BTNL2: variants seen among roughly 807,000 people sequenced by gnomAD.
BTNL2 encodes butyrophilin like 2.
BTNL2 carries 46 observed loss-of-function variants against 46.8 expected under a neutral mutation model. That is an observed-to-expected ratio of 0.98 (90% CI 0.78 to 1.26). BTNL2 has a LOEUF of 1.26. Ranked by LOEUF, BTNL2 falls within the 50% of genes most tolerant of loss-of-function variation. BTNL2 has a pLI of 0.00. For missense variants in BTNL2, 461 were observed against 592.6 expected, an observed-to-expected ratio of 0.78 and a Z score of 2.31; for synonymous variants, 226 against 229.1, an observed-to-expected ratio of 0.99 and a Z score of 0.12.
At chr6:32,402,912 G>A (rs1438607727) in intron 3 of BTNL2, 23 bp downstream of exon 3, 1 of 1,607,954 alleles carries the variant, frequency 6.2e-7, no homozygotes, top group Non-Finnish European at 8.5e-7. Flanking sequence ...TGAGCATGTG[G>A]GTCCTAGAGG....
chr6:32,394,197 T>G lies in BTNL2; in HGVS notation c.1361-140A>C. ...AGGAAGCAGTTGGCCTGCTCCTCCCTGCTCTGGAGATGCAGAGGAGAGAAT... is the reference window on the plus strand; with the variant it reads ...AGGAAGCAGTTGGCCTGCTCCTCCCGGCTCTGGAGATGCAGAGGAGAGAAT... On this transcript the variant is annotated intron_variant, in intron 6 of 7. Transcript: ENST00000454136. The surrounding 1 kb of genome is among the most constrained non-coding windows in gnomAD (Gnocchi z 4.6). 1.7e-6 allele frequency: 2 copies of G among 1,208,196 alleles called. No individual in the cohort carries two copies. Among genetic ancestry groups the G allele is most frequent in the Admixed American group, 2.7e-5 (1 of 37,656 alleles). The allele number at this position is 1,208,196 out of a possible 1,614,324, so 74.8% of individuals were successfully genotyped here.
At position 32,394,961 on chromosome 6, in the gene BTNL2, G is replaced by C; in HGVS notation, c.1143C>G (p.Cys381Trp). The change falls in exon 6 of 8, where the codon TGC becomes TGG. Residue 381 changes from cysteine to tryptophan, a missense_variant. Cys to Trp is a radical substitution (Grantham distance 215). Coordinates refer to ENST00000454136, the MANE Select transcript of BTNL2 (RefSeq NM_001304561.2). The surrounding 1 kb of genome is among the most constrained non-coding windows in gnomAD (Gnocchi z 4.6). ...GCTGTGGGAACCACCCATCTGAAGA[G>C]CACATCGGCTGCATTTCTCCATCTT... ...GQEDGEMQPM[C>W]SSDGWFPQPH... 1 of 1,613,800 alleles carries C rather than the reference G, an allele frequency of 6.2e-7. No individual in the cohort carries two copies. Among genetic ancestry groups the C allele is most frequent in the Non-Finnish European group, 8.5e-7 (1 of 1,179,728 alleles).
chr6:32,396,269 TCCCAC>T lies in BTNL2; in HGVS notation c.843_847del (p.Trp282ProfsTer34). The T allele has an allele frequency of 2.5e-6, 4 of 1,613,012 alleles. No homozygotes were observed. Among genetic ancestry groups the T allele is most frequent in the Non-Finnish European group, 3.4e-6 (4 of 1,180,002 alleles). ...CACAGCAGGGTAACGGTGGGATCGG[TCCCAC>T]CTCACCTCCATGCTCTGTGCATTCG... On this transcript the variant is annotated frameshift_variant, in exon 5 of 8. Transcript: ENST00000454136. LOFTEE classifies it high-confidence loss of function. The surrounding 1 kb of genome is among the most constrained non-coding windows in gnomAD (Gnocchi z 4.4).
In BTNL2 at chr6:32,393,708, G is replaced by A. The variant is rs17202393; in HGVS notation, c.*6+255C>T. 32,727 of 360,278 alleles carry A rather than the reference G, an allele frequency of 0.091. 2,317 individuals are homozygous for A. The highest frequency in any genetic ancestry group is 0.12 in the African/African-American group (5,713 of 47,276). 22.3% of individuals were successfully genotyped at this position (360,278 alleles called of 1,614,324 possible). On this transcript the variant is annotated intron_variant, in intron 7 of 7. Transcript: ENST00000454136. The surrounding 1 kb of genome is among the most constrained non-coding windows in gnomAD (Gnocchi z 4.8). Reference sequence around the variant, plus strand: ...TCTTCTTCCCTAACCAGATCACTGGGGAATGGGCAGCAGGAAATCAAATCA... The same window carrying A: ...TCTTCTTCCCTAACCAGATCACTGGAGAATGGGCAGCAGGAAATCAAATCA...
At chr6:32,398,220 A>G (rs150603661) in intron 4 of BTNL2, among the ~76,000 whole-genome samples, 1 of 152,200 alleles carries the variant, frequency 6.6e-6, no homozygotes, top group Non-Finnish European at 1.5e-5. Context: ...GGTTTTGCAT[A>G]AGGTGTGATC....
Position 32,396,111 on chromosome 6 carries a change from C to T in BTNL2, c.1006G>A (p.Asp336Asn), listed in dbSNP as rs41441651. Residue 336 changes from aspartate to asparagine, a missense_variant, in exon 5 of 8, where the codon GAC (aspartate) becomes AAC (asparagine). Physicochemically the swap from Asp to Asn is conservative, Grantham distance 23. Transcript: ENST00000454136. This position sits in a 1 kb window ranked among gnomAD's most constrained non-coding sequence, Gnocchi z 4.4. ...LQILSARPSD[D>N]GQYRCLFEKD... ...TCAAAAAGGCAGCGGTACTGCCCGT[C>T]GTCCGAAGGTCTGGCACTGAGTATC... The T allele has an allele frequency of 0.015, 24,430 of 1,613,088 alleles. 1,128 individuals are homozygous for T. The East Asian group carries it at 0.16, about 10-fold the overall frequency.
intron 4 of BTNL2, among the ~76,000 whole-genome samples, chr6:32,400,932 G>C: frequency 8.1e-6 from 1 of 123,986 alleles, no homozygotes; most frequent in Non-Finnish European, 1.7e-5. Context: ...AAAAATGCCC[G>C]GCGTGGTGGC....
chr6:32,406,353 G>C (rs1337578386), intron 1 of BTNL2: 1 of 152,420 alleles, frequency 6.6e-6, no homozygotes, highest in African/African-American at 2.4e-5. Context: ...CAGCTCTGCA[G>C]CGCCAAGGCA....
Position 32,404,921 on chromosome 6 carries a change from C to G in BTNL2, c.427+18G>C. 6.2e-7 allele frequency: 1 copy of G among 1,606,556 alleles called. No individual in the cohort carries two copies. Among genetic ancestry groups the G allele is most frequent in the Non-Finnish European group, 8.5e-7 (1 of 1,174,310 alleles). The stretch of plus-strand genomic sequence containing the variant: ...ATCTCTGCCTCTTGAGACCCTGTGT[C>G]TTTCCCCAGATATTCACCTGCTACT... On this transcript the variant is annotated intron_variant, in intron 2 of 7. Transcript: ENST00000454136.
At chr6:32,403,949 C>T (rs1776953427) in intron 2 of BTNL2, among the ~76,000 whole-genome samples, 1 of 151,970 alleles carries the variant, frequency 6.6e-6, no homozygotes, top group Non-Finnish European at 1.5e-5. Context: ...AAGAGAGATC[C>T]ACTCCCTTCC....
At chr6:32,397,644 A>G (rs974519430) in intron 4 of BTNL2, among the ~76,000 whole-genome samples, 1 of 152,266 alleles carries the variant, frequency 6.6e-6, no homozygotes, top group African/African-American at 2.4e-5. Flanking sequence ...TTTGCTATAC[A>G]ACTACCAAAA....
chr6:32,403,073 G>A lies in BTNL2; in HGVS notation c.571C>T (p.His191Tyr), dbSNP rs776582332. The change falls in exon 3 of 8, where the codon CAT becomes TAT. Residue 191 changes from histidine (H) to tyrosine (Y), a missense_variant. Coordinates refer to ENST00000454136, the MANE Select transcript of BTNL2 (RefSeq NM_001304561.2). ...AGGCCATCTTTATCTTGGATGCGATGCTCAGACACGGCCAGCAGCTTCTCT... is the reference window on the plus strand; with the variant it reads ...AGGCCATCTTTATCTTGGATGCGATACTCAGACACGGCCAGCAGCTTCTCT... ...RGEKLLAVSE[H>Y]RIQDKDGLFY... 1.9e-6 allele frequency: 3 copies of A among 1,612,800 alleles called. No individual in the cohort carries two copies. The highest frequency in any genetic ancestry group is 2.7e-5 in the African/African-American group (2 of 74,906).
rs149523499 is a variant in BTNL2, at chr6:32,400,610, T to G, written c.730+1175A>C. Among the ~76,000 whole-genome samples, 799 of 151,176 alleles carry G rather than the reference T, an allele frequency of 5.3e-3. 9 individuals carry two copies. Among genetic ancestry groups the G allele is most frequent in the African/African-American group, 0.018 (754 of 41,238 alleles). On this transcript the variant is annotated intron_variant, in intron 4 of 7. Transcript: ENST00000454136. ...AATACCCTCAGTCCAACTCCGAGAT[T>G]TAAAAAACAAAAATTAGGCTGGGTG...
In BTNL2 at chr6:32,396,966, C is replaced by T. The variant is rs945047911; in HGVS notation, c.731-580G>A. ...CTGCACTCCAGGCTGGGTGACAAAG[C>T]GAGACTTTAAAAACAAACAAACAAA... On this transcript the variant is annotated intron_variant, in intron 4 of 7. Transcript: ENST00000454136. This position sits in a 1 kb window ranked among gnomAD's most constrained non-coding sequence, Gnocchi z 4.4. 2.1e-4 allele frequency among the ~76,000 whole-genome samples: 32 copies of T among 150,020 alleles called. No homozygotes were observed. The highest frequency in any genetic ancestry group is 7.5e-4 in the African/African-American group (31 of 41,274).
chr6:32,406,179 G>C (rs142888911), intron 1 of BTNL2: 82 of 152,392 alleles, frequency 5.4e-4, no homozygotes, highest in African/African-American at 1.9e-3. Flanking sequence ...AATAGATGCT[G>C]CTCAAAAGGT....
At position 32,393,975 on chromosome 6, in the gene BTNL2, C is replaced by T. The variant is rs34507608; in HGVS notation, c.1443G>A (p.Arg481=). ...TTCCCTGACTTACCTCTTTTCAGCTCCTCTTCCTGGGCAGGCCTACAGCCA... is the reference window on the plus strand; with the variant it reads ...TTCCCTGACTTACCTCTTTTCAGCTTCTCTTCCTGGGCAGGCCTACAGCCA... ...LAVAVGLPRK[R]S is the part of the protein sequence containing the mutation. The change falls in exon 7 of 8, where the codon AGG becomes AGA. Residue 481 remains arginine, a synonymous_variant. Transcript: ENST00000454136. This position sits in a 1 kb window ranked among gnomAD's most constrained non-coding sequence, Gnocchi z 4.8. 200,540 of 1,525,064 alleles carry T rather than the reference C, an allele frequency of 0.13. 15,829 individuals are homozygous for T. The highest frequency in any genetic ancestry group is 0.13 in the Non-Finnish European group (151,234 of 1,124,412). 94.5% of individuals were successfully genotyped at this position (1,525,064 alleles called of 1,614,324 possible). A position where few individuals can be genotyped will look rare whatever the true frequency, so the allele number is the denominator to read the frequency against.
chr6:32,403,161 C>T lies in BTNL2; in HGVS notation c.483G>A (p.Gln161=). The change falls in exon 3 of 8, where the codon CAG becomes CAA. Residue 161 remains glutamine, a synonymous_variant. Coordinates refer to ENST00000454136, the MANE Select transcript of BTNL2 (RefSeq NM_001304561.2). The part of the protein sequence containing the change: ...HMEGPGESGV[Q]LVCTARGWFP... ...ACCAGCCCCTTGCAGTGCACACAAG[C>T]TGGACTCCACTCTCCCCAGGTCCCT... 2 of 1,612,340 alleles carry T rather than the reference C, an allele frequency of 1.2e-6. No individual in the cohort carries two copies. The highest frequency in any genetic ancestry group is 1.7e-6 in the Non-Finnish European group (2 of 1,179,778).
intron 2 of BTNL2, 117 bp from the exon 3 acceptor site, chr6:32,403,333 G>C: frequency 8.8e-7 from 1 of 1,141,430 alleles, no homozygotes; most frequent in Non-Finnish European, 1.2e-6. Flanking sequence ...AGTCTGAGGA[G>C]CAGAAAGTCG....
rs143181335 is a variant in BTNL2, at chr6:32,403,170, A to C, written c.474T>G (p.Ser158Arg). 2 of 1,610,762 alleles carry C rather than the reference A, an allele frequency of 1.2e-6. No individual in the cohort carries two copies. The highest frequency in any genetic ancestry group is 8.5e-7 in the Non-Finnish European group (1 of 1,179,428). The change falls in exon 3 of 8, where the codon AGT (serine) becomes AGG (arginine). Residue 158 changes from serine to arginine, a missense_variant. Physicochemically the swap from Ser to Arg is moderately radical, Grantham distance 110. Transcript: ENST00000454136. ...PSIHMEGPGE[S>R]GVQLVCTARG... ...TTGCAGTGCACACAAGCTGGACTCCACTCTCCCCAGGTCCCTCCATGTGGA... is the reference window on the plus strand; with the variant it reads ...TTGCAGTGCACACAAGCTGGACTCCCCTCTCCCCAGGTCCCTCCATGTGGA...
Sources: allele counts gnomAD v4.1 joint callset (sites outside exome capture counted in the v4.1 genomes callset), GRCh38; gene constraint gnomAD v4.1.1; non-coding constraint Gnocchi (gnomAD v3.1); transcripts MANE v1.5; gene names NCBI Gene and HGNC (gene_info 2026-07-23, HGNC 2026-07-21).